The following TSPAN12 variants were observed in gnomAD, a reference collection of about 807,000 sequenced individuals.
The protein encoded by TSPAN12 is tetraspanin 12.
A neutral mutation model predicts 39.2 loss-of-function variants in TSPAN12; 19 were observed. The ratio of observed to expected loss-of-function variants is 0.49; its 90% CI spans 0.34 to 0.71. The LOEUF is 0.71. TSPAN12 is among the 30% of genes least tolerant of loss of function. The pLI, the probability that TSPAN12 is intolerant of heterozygous loss-of-function variation, is 0.01. For missense variants in TSPAN12, 314 were observed against 359.9 expected (o/e 0.87, Z 1.03); for synonymous variants, 119 against 124.8 (o/e 0.95, Z 0.31).
intron 2 of TSPAN12, among the ~76,000 whole-genome samples, chr7:120,846,516 CA>C (rs201644337): frequency 0.022 from 3,273 of 152,032 alleles, 112 homozygotes; most frequent in African/African-American, 0.074. Flanking sequence ...TTTTTAACAA[CA>C]AAAAAAGTGT....
At chr7:120,813,762 G>A (rs1380908406) in intron 5 of TSPAN12, among the ~76,000 whole-genome samples, 1 of 151,944 alleles carries the variant, frequency 6.6e-6, no homozygotes, top group Non-Finnish European at 1.5e-5. Context: ...TTTGAAAACA[G>A]AAAAAAATAA....
intron 7 of TSPAN12, among the ~76,000 whole-genome samples, chr7:120,793,018 T>C (rs1793561607): frequency 6.6e-6 from 1 of 152,238 alleles, no homozygotes; most frequent in Admixed American, 6.5e-5. Context: ...CTGCCTTCTT[T>C]GTAAGGATGC....
intron 2 of TSPAN12, among the ~76,000 whole-genome samples, chr7:120,850,148 G>A (rs1445253696): frequency 6.6e-6 from 1 of 152,174 alleles, no homozygotes; most frequent in Non-Finnish European, 1.5e-5. Flanking sequence ...GATTACTGGT[G>A]GGTATCATTT....
At chr7:120,836,162 A>G (rs1794472423) in intron 4 of TSPAN12, among the ~76,000 whole-genome samples, 1 of 152,164 alleles carries the variant, frequency 6.6e-6, no homozygotes, top group South Asian at 2.1e-4. Flanking sequence ...ATAGGCAGCT[A>G]TTTAGAGGAG....
At chr7:120,852,334 G>A (rs1229956446) in intron 2 of TSPAN12, among the ~76,000 whole-genome samples, 1 of 152,148 alleles carries the variant, frequency 6.6e-6, no homozygotes, top group Non-Finnish European at 1.5e-5. Context: ...ATGGGGACAA[G>A]GTTGTCAATC....
chr7:120,839,309 CT>C (rs1192912850), intron 3 of TSPAN12, among the ~76,000 whole-genome samples: 1 of 152,166 alleles, frequency 6.6e-6, no homozygotes, highest in Non-Finnish European at 1.5e-5. Flanking sequence ...CCCATGTGCA[CT>C]ACGTTTCTTC....
Position 120,856,658 on chromosome 7 carries a change from C to T in TSPAN12, c.66+40G>A, listed in dbSNP as rs772134809. The T allele has an allele frequency of 5.0e-6, 8 of 1,608,308 alleles. No homozygotes were observed. The Admixed American group carries it at 1.3e-4, about 27-fold the overall frequency. The stretch of plus-strand genomic sequence containing the variant: ...ATCCGGTGGCTGCAGAAAACCAGAG[C>T]CAGCCGTTCCCACCTGTTGGTGCAG... On this transcript the variant is annotated intron_variant, in intron 2 of 7. Transcript: ENST00000222747.
At chr7:120,839,896 G>A in intron 3 of TSPAN12, 131 bp downstream of exon 3, 4 of 718,300 alleles carry the variant, frequency 5.6e-6, no homozygotes, top group Non-Finnish European at 1.0e-5. Context: ...GCAAGTGTCT[G>A]TGACAAAGGT....
At chr7:120,799,357 C>A (rs1793694579) in intron 7 of TSPAN12, among the ~76,000 whole-genome samples, 1 of 148,372 alleles carries the variant, frequency 6.7e-6, no homozygotes, top group Admixed American at 6.9e-5. Context: ...CCACTTACGG[C>A]TCAGGAGTGA....
intron 7 of TSPAN12, among the ~76,000 whole-genome samples, chr7:120,797,106 G>A (rs1199370254): frequency 2.0e-5 from 3 of 152,206 alleles, no homozygotes; most frequent in Admixed American, 6.5e-5. Context: ...GCAGTGAGCC[G>A]AGATGGCGCC....
intron 7 of TSPAN12, among the ~76,000 whole-genome samples, chr7:120,803,798 A>C (rs930533628): frequency 6.6e-6 from 1 of 152,208 alleles, no homozygotes; most frequent in Non-Finnish European, 1.5e-5. Flanking sequence ...CAATTTCAAA[A>C]TTCATGGAGC....
At chr7:120,855,175 A>C (rs1364242293) in intron 2 of TSPAN12, among the ~76,000 whole-genome samples, 2 of 152,222 alleles carry the variant, frequency 1.3e-5, no homozygotes, top group African/African-American at 4.8e-5. Context: ...CAATCTTAGT[A>C]ATTCTAAGGT....
intron 7 of TSPAN12, among the ~76,000 whole-genome samples, chr7:120,799,850 T>C (rs1793727956): frequency 7.1e-6 from 1 of 140,010 alleles, no homozygotes; most frequent in African/African-American, 2.6e-5. Context: ...TATTTAATAA[T>C]TTAATAATTA....
intron 4 of TSPAN12, among the ~76,000 whole-genome samples, chr7:120,837,593 T>A (rs1037222162): frequency 6.2e-4 from 94 of 152,334 alleles, no homozygotes; most frequent in African/African-American, 2.1e-3. Flanking sequence ...ATTACAGGCG[T>A]GAGCCACCTT....
intron 3 of TSPAN12, among the ~76,000 whole-genome samples, chr7:120,839,549 T>A (rs1287050418): frequency 6.6e-6 from 1 of 152,190 alleles, no homozygotes; most frequent in East Asian, 1.9e-4. Flanking sequence ...ACAATTCAGA[T>A]GTCATATAAT....
chr7:120,826,525 G>T (rs1584941215), intron 4 of TSPAN12, among the ~76,000 whole-genome samples: 1 of 152,226 alleles, frequency 6.6e-6, no homozygotes, highest in East Asian at 1.9e-4. Context: ...ATGTGAGACA[G>T]GGGTCCCCAT....
At chr7:120,842,562 G>A (rs764232908) in intron 2 of TSPAN12, among the ~76,000 whole-genome samples, 1 of 151,902 alleles carries the variant, frequency 6.6e-6, no homozygotes, top group East Asian at 1.9e-4. Flanking sequence ...GTTGGGCTTC[G>A]ACGTGCCAGG....
intron 4 of TSPAN12, among the ~76,000 whole-genome samples, chr7:120,822,083 T>C (rs968129801): frequency 6.6e-6 from 1 of 152,218 alleles, no homozygotes; most frequent in East Asian, 1.9e-4. Flanking sequence ...CAGAATGACA[T>C]GTTACTAGTC....
chr7:120,809,958 T>A (rs1793945716), intron 6 of TSPAN12, among the ~76,000 whole-genome samples: 1 of 152,046 alleles, frequency 6.6e-6, no homozygotes. Context: ...CTTAAGGGAG[T>A]TATGTAAATT....
Sources: gnomAD v4.1 joint callset for allele counts (sites outside exome capture counted in the v4.1 genomes callset) on GRCh38, gnomAD v4.1.1 for gene constraint, MANE v1.5 for transcripts, NCBI Gene and HGNC (gene_info 2026-07-23, HGNC 2026-07-21) for gene names.